L3MBTL4: variants seen among roughly 807,000 people sequenced by gnomAD.
The protein encoded by L3MBTL4 is lethal(3)malignant brain tumor-like protein 4.
Under a neutral mutation model 84.5 loss-of-function variants are expected in L3MBTL4, and 70 were observed. The observed-to-expected ratio is 0.83, with a 90% CI of 0.68 to 1.01. The LOEUF is 1.01. Among genes scored for constraint, L3MBTL4 ranks in the 50% least tolerant of loss-of-function variants. L3MBTL4 has a pLI of 0.00. For synonymous variants in L3MBTL4, 274 were observed against 259.8 expected, an observed-to-expected ratio of 1.05 and a Z score of -0.52; for missense variants, 715 against 754.8, an observed-to-expected ratio of 0.95 and a Z score of 0.62.
rs928297878 is a variant in L3MBTL4, at chr18:6,414,486, C to A, written c.-91+315G>T. 2.2e-4 allele frequency among the ~76,000 whole-genome samples: 33 copies of A among 152,218 alleles called. No individual in the cohort carries two copies. Among genetic ancestry groups the A allele is most frequent in the African/African-American group, 7.7e-4 (32 of 41,572 alleles). On this transcript the variant is annotated intron_variant, in intron 1 of 18. Transcript: ENST00000317931. The surrounding 1 kb of genome is among the most constrained non-coding windows in gnomAD (Gnocchi z 5.4). ...CGCCCAGGTAGCCGCGCCTGGCACCCCGACCCTGCCCTCGCGGCTGACCGA... is the reference window on the plus strand; with the variant it reads ...CGCCCAGGTAGCCGCGCCTGGCACCACGACCCTGCCCTCGCGGCTGACCGA...
At chr18:6,184,209 T>G (rs1467570684) in intron 12 of L3MBTL4, among the ~76,000 whole-genome samples, 3 of 152,238 alleles carry the variant, frequency 2.0e-5, no homozygotes, top group Admixed American at 1.3e-4. Flanking sequence ...ATTAGTAATT[T>G]CTAAATTGGT....
intron 5 of L3MBTL4, chr18:6,260,911 T>C (rs183779353): frequency 3.3e-5 from 5 of 152,356 alleles, no homozygotes; most frequent in Non-Finnish European, 7.3e-5. Context: ...TTTTTGATTA[T>C]ATTAAAACCT....
chr18:6,125,109 A>G lies in L3MBTL4; in HGVS notation c.1199+13085T>C, dbSNP rs1177773177. Among the ~76,000 whole-genome samples, 3 of 150,052 alleles carry G rather than the reference A, an allele frequency of 2.0e-5. No individual in the cohort carries two copies. The East Asian group carries it at 6.2e-4, about 31-fold the overall frequency. On this transcript the variant is annotated intron_variant, in intron 14 of 18. Transcript: ENST00000317931. Reference sequence around the variant, plus strand: ...AATAACCAATAGAATAATAAAAAACATTTGGGTGGATAGATGCTCTTACTC... The same window carrying G: ...AATAACCAATAGAATAATAAAAAACGTTTGGGTGGATAGATGCTCTTACTC...
At chr18:6,126,940 G>A (rs999441841) in intron 14 of L3MBTL4, among the ~76,000 whole-genome samples, 1 of 152,154 alleles carries the variant, frequency 6.6e-6, no homozygotes, top group Admixed American at 6.5e-5. Context: ...AGGATGTCAA[G>A]GAAAATGACA....
At chr18:6,210,360 C>T (rs2046053349) in intron 12 of L3MBTL4, among the ~76,000 whole-genome samples, 1 of 152,170 alleles carries the variant, frequency 6.6e-6, no homozygotes, top group Non-Finnish European at 1.5e-5. Context: ...TCATCCTACA[C>T]ATCTGCTCTC....
chr18:6,198,031 C>T (rs2045484666), intron 12 of L3MBTL4, among the ~76,000 whole-genome samples: 1 of 152,228 alleles, frequency 6.6e-6, no homozygotes, highest in African/African-American at 2.4e-5. Context: ...GACCACCCCT[C>T]TCCCTTTCTT....
At chr18:6,180,786 A>T (rs2044432700) in intron 12 of L3MBTL4, among the ~76,000 whole-genome samples, 1 of 152,218 alleles carries the variant, frequency 6.6e-6, no homozygotes, top group African/African-American at 2.4e-5. Context: ...TGTATTTTTT[A>T]ACCACAAACC....
At chr18:6,204,481 C>T (rs900908982) in intron 12 of L3MBTL4, among the ~76,000 whole-genome samples, 3 of 152,160 alleles carry the variant, frequency 2.0e-5, no homozygotes, top group African/African-American at 7.2e-5. Context: ...TACCACCTGA[C>T]AAAGGGGCTT....
chr18:6,179,838 A>G (rs1398862908), intron 12 of L3MBTL4, among the ~76,000 whole-genome samples: 1 of 152,018 alleles, frequency 6.6e-6, no homozygotes, highest in Non-Finnish European at 1.5e-5. Context: ...AGGTCTTGCT[A>G]TGTTGCTCAG....
At chr18:6,333,127 A>T (rs957253324) in intron 1 of L3MBTL4, among the ~76,000 whole-genome samples, 1 of 149,948 alleles carries the variant, frequency 6.7e-6, no homozygotes, top group Admixed American at 6.7e-5. Context: ...TAAAAAAAAA[A>T]CATATGGCAT....
chr18:6,071,916 TAAA>T (rs1204783643), intron 16 of L3MBTL4, among the ~76,000 whole-genome samples: 1 of 151,632 alleles, frequency 6.6e-6, no homozygotes, highest in African/African-American at 2.4e-5. Flanking sequence ...GATTTACACA[TAAA>T]AATCACACGC....
chr18:6,346,878 A>T (rs1283377761), intron 1 of L3MBTL4, among the ~76,000 whole-genome samples: 1 of 152,150 alleles, frequency 6.6e-6, no homozygotes, highest in African/African-American at 2.4e-5. Flanking sequence ...TTGTACTCCC[A>T]TATTCACTGC....
At chr18:6,320,762 C>T (rs904111110) in intron 1 of L3MBTL4, among the ~76,000 whole-genome samples, 2 of 151,862 alleles carry the variant, frequency 1.3e-5, no homozygotes, top group Non-Finnish European at 2.9e-5. Flanking sequence ...CATATGGAAC[C>T]AAAAATGGGC....
At chr18:6,317,961 A>T (rs891368596) in intron 1 of L3MBTL4, among the ~76,000 whole-genome samples, 2 of 152,204 alleles carry the variant, frequency 1.3e-5, no homozygotes, top group Non-Finnish European at 2.9e-5. Context: ...AGCCTCTTTA[A>T]ACAGAATAAC....
In L3MBTL4 at chr18:6,271,605, T is replaced by C. The variant is rs541958295; in HGVS notation, c.128-7567A>G. On this transcript the variant is annotated intron_variant, in intron 4 of 18. Transcript: ENST00000317931. ...CGGAATAATCTACGATAAGTGTACGTAATAATCTGTAAAAAACACACATTC... is the reference window on the plus strand; with the variant it reads ...CGGAATAATCTACGATAAGTGTACGCAATAATCTGTAAAAAACACACATTC... Among the ~76,000 whole-genome samples, 42 of 152,216 alleles carry C rather than the reference T, an allele frequency of 2.8e-4. 1 individual carries two copies. The highest frequency in any genetic ancestry group is 5.7e-4 in the Non-Finnish European group (39 of 68,042).
At chr18:6,039,722 G>T (rs9953472) in intron 16 of L3MBTL4, among the ~76,000 whole-genome samples, 1 of 152,008 alleles carries the variant, frequency 6.6e-6, no homozygotes, top group East Asian at 1.9e-4. Flanking sequence ...CTTCATGCTG[G>T]GTAAGCTTCC....
intron 16 of L3MBTL4, among the ~76,000 whole-genome samples, chr18:5,977,256 C>T (rs184513225): frequency 5.9e-5 from 9 of 152,242 alleles, no homozygotes; most frequent in Non-Finnish European, 8.8e-5. Flanking sequence ...CTGCAAGCTG[C>T]GGCTGTTCCT....
At chr18:6,180,741 T>G (rs2044430557) in intron 12 of L3MBTL4, among the ~76,000 whole-genome samples, 1 of 152,222 alleles carries the variant, frequency 6.6e-6, no homozygotes, top group African/African-American at 2.4e-5. Flanking sequence ...AACCAAGATC[T>G]AATTCAGTGG....
intron 1 of L3MBTL4, among the ~76,000 whole-genome samples, chr18:6,368,676 T>C (rs1420436561): frequency 6.6e-6 from 1 of 152,110 alleles, no homozygotes; most frequent in Admixed American, 6.5e-5. Context: ...TACGACACAA[T>C]TATGGCAACA....
Sources: allele counts gnomAD v4.1 joint callset (sites outside exome capture counted in the v4.1 genomes callset), GRCh38; gene constraint gnomAD v4.1.1; non-coding constraint Gnocchi (gnomAD v3.1); transcripts MANE v1.5; gene names NCBI Gene and HGNC (gene_info 2026-07-23, HGNC 2026-07-21).